Variants in EDARADD observed in about 807,000 individuals in gnomAD.
EDARADD encodes the protein ectodysplasin-A receptor-associated adapter protein.
In EDARADD, 20 loss-of-function variants were observed where a neutral mutation model predicts 25.6. The ratio of observed to expected loss-of-function variants is 0.78; its 90% confidence interval spans 0.55 to 1.14. EDARADD has a LOEUF of 1.14. Among genes scored for constraint, EDARADD ranks in the 50% most tolerant of loss-of-function variants. EDARADD has a pLI of 0.00. For missense variants in EDARADD, 225 were observed against 270.1 expected, an observed-to-expected ratio of 0.83 and a Z score of 1.17; for synonymous variants, 86 against 94.4, an observed-to-expected ratio of 0.91 and a Z score of 0.52.
intron 3 of EDARADD, among the ~76,000 whole-genome samples, chr1:236,376,576 C>T (rs1274372143): frequency 6.6e-6 from 1 of 152,078 alleles, no homozygotes; most frequent in Admixed American, 6.6e-5. Context: ...TGTTTTTTCT[C>T]TCTGTCTTTT....
At chr1:236,372,577 A>G (rs938050513) in intron 3 of EDARADD, among the ~76,000 whole-genome samples, 1 of 152,158 alleles carries the variant, frequency 6.6e-6, no homozygotes, top group Non-Finnish European at 1.5e-5. Context: ...TAATGCTGGC[A>G]TCATAGAATG....
chr1:236,450,242 T>C (rs1056603815), intron 4 of EDARADD, among the ~76,000 whole-genome samples: 1 of 152,080 alleles, frequency 6.6e-6, no homozygotes, highest in African/African-American at 2.4e-5. Context: ...ATATGATCGA[T>C]ATAATCGTGC....
intron 4 of EDARADD, among the ~76,000 whole-genome samples, chr1:236,453,805 C>T (rs914781136): frequency 6.6e-6 from 1 of 152,174 alleles, no homozygotes; most frequent in Non-Finnish European, 1.5e-5. Context: ...GGACGCATTT[C>T]TCAGACCATA....
intron 4 of EDARADD, among the ~76,000 whole-genome samples, chr1:236,447,294 G>T (rs188338976): frequency 9.5e-4 from 141 of 147,802 alleles, no homozygotes; most frequent in Admixed American, 2.1e-3. Flanking sequence ...GTCTCACTCT[G>T]TCACCCAGGC....
intron 3 of EDARADD, among the ~76,000 whole-genome samples, chr1:236,354,971 A>G (rs1267905989): frequency 3.3e-5 from 5 of 152,220 alleles, no homozygotes; most frequent in African/African-American, 1.2e-4. Flanking sequence ...TGTGTAATAC[A>G]GACCCTGTGA....
At chr1:236,370,804 C>T (rs112689017) in intron 3 of EDARADD, among the ~76,000 whole-genome samples, 3,691 of 152,302 alleles carry the variant, frequency 0.024, 115 homozygotes, top group African/African-American at 0.081. Context: ...AGCTGCATGA[C>T]TCCTAAACCA....
upstream of EDARADD, chr1:236,394,256 T>TA (rs998659370): frequency 5.9e-5 from 36 of 606,934 alleles, no homozygotes; most frequent in African/African-American, 2.0e-4. Flanking sequence ...AAAATACCCT[T>TA]AAAAAAAATT....
chr1:236,466,840 G>C (rs979975722), intron 4 of EDARADD, among the ~76,000 whole-genome samples: 2 of 152,140 alleles, frequency 1.3e-5, no homozygotes, highest in Admixed American at 6.5e-5. Flanking sequence ...AGGCCAAGGT[G>C]GGCGGATCAT....
At chr1:236,356,873 C>G (rs953174859) in intron 3 of EDARADD, among the ~76,000 whole-genome samples, 1 of 152,052 alleles carries the variant, frequency 6.6e-6, no homozygotes, top group Admixed American at 6.6e-5. Context: ...CACCTGAGGT[C>G]AGGAGTTCGA....
intron 2 of EDARADD, among the ~76,000 whole-genome samples, chr1:236,413,161 G>T (rs925918992): frequency 7.2e-5 from 11 of 152,226 alleles, no homozygotes; most frequent in African/African-American, 2.7e-4. Context: ...ACCGCACCCA[G>T]CCTCTTTTTG....
intron 3 of EDARADD, among the ~76,000 whole-genome samples, chr1:236,379,588 G>C (rs929769011): frequency 9.9e-5 from 15 of 151,984 alleles, no homozygotes; most frequent in Non-Finnish European, 1.6e-4. Flanking sequence ...ACACCAGCCT[G>C]GCCAACACGG....
At position 236,483,114 on chromosome 1, in the gene EDARADD, C is replaced by T. The variant is rs1659726613; in HGVS notation, c.*465C>T. The T allele has an allele frequency of 1.6e-6, 2 of 1,224,300 alleles. No homozygotes were observed. Among genetic ancestry groups the T allele is most frequent in the Admixed American group, 1.7e-5 (1 of 57,336 alleles). The allele number at this position is 1,224,300 out of a possible 1,614,324, so 75.8% of individuals were successfully genotyped here. A position where few individuals can be genotyped will look rare whatever the true frequency, so the allele number is the denominator to read the frequency against. ...GGAATGCTTACCTGAGTGTCTGCAG[C>T]ACCCTCCACTTCTCTCCTAGGCAAT... On this transcript the variant is annotated 3_prime_UTR_variant, in exon 6 of 6. Coordinates refer to ENST00000334232, the MANE Select transcript of EDARADD (RefSeq NM_145861.4).
chr1:236,409,699 C>T (rs2103008255), intron 2 of EDARADD, among the ~76,000 whole-genome samples: 1 of 151,944 alleles, frequency 6.6e-6, no homozygotes, highest in South Asian at 2.1e-4. Context: ...GTAGCTGGGA[C>T]CACAGGCATG....
chr1:236,411,596 C>T (rs1403746260), intron 2 of EDARADD, among the ~76,000 whole-genome samples: 1 of 150,440 alleles, frequency 6.6e-6, no homozygotes, highest in Non-Finnish European at 1.5e-5. Context: ...AGCTGGAGTG[C>T]AATATGCAAT....
intron 5 of EDARADD, among the ~76,000 whole-genome samples, chr1:236,471,496 C>T (rs1212330959): frequency 1.3e-5 from 2 of 151,802 alleles, no homozygotes; most frequent in African/African-American, 2.4e-5. Context: ...CATGATTATA[C>T]CCCCTTAATA....
At position 236,467,393 on chromosome 1, in the gene EDARADD, C is replaced by T. The variant is rs138119128; in HGVS notation, c.220-838C>T. The stretch of plus-strand genomic sequence containing the variant: ...AACGAAGGTGTACTGGGACTGGTCT[C>T]CTCTGCTGACTTCATGGGAAGCACA... On this transcript the variant is annotated intron_variant, in intron 4 of 5. Coordinates refer to ENST00000334232, the MANE Select transcript of EDARADD (RefSeq NM_145861.4). Among the ~76,000 whole-genome samples, 246 of 150,770 alleles carry T rather than the reference C, an allele frequency of 1.6e-3. 2 individuals are homozygous for T. Among genetic ancestry groups the T allele is most frequent in the Admixed American group, 2.6e-3 (39 of 15,018 alleles).
In EDARADD at chr1:236,483,880, A is replaced by G. The variant is rs1337582083; in HGVS notation, c.*1231A>G. 1.7e-5 allele frequency: 23 copies of G among 1,382,958 alleles called. No homozygotes were observed. The highest frequency in any genetic ancestry group is 2.2e-5 in the Non-Finnish European group (21 of 971,928). 85.7% of individuals were successfully genotyped at this position (1,382,958 alleles called of 1,614,324 possible). ...ATTGGGAAAGCTGGCTACACTGATA[A>G]GGTGATCGTCAGCATGGACGTAGAG... On this transcript the variant is annotated 3_prime_UTR_variant, in exon 6 of 6. Coordinates refer to ENST00000334232, the MANE Select transcript of EDARADD (RefSeq NM_145861.4).
intron 4 of EDARADD, among the ~76,000 whole-genome samples, chr1:236,437,743 C>CT (rs5781886): frequency 0.027 from 2,389 of 87,994 alleles, 67 homozygotes; most frequent in African/African-American, 0.056. Flanking sequence ...TTGGTTCCTT[C>CT]TTTTTTTTTT....
At chr1:236,416,388 C>T (rs977264446) in intron 3 of EDARADD, among the ~76,000 whole-genome samples, 8 of 152,160 alleles carry the variant, frequency 5.3e-5, no homozygotes, top group African/African-American at 1.7e-4. Flanking sequence ...GCTGTAATGG[C>T]CCTAGCATTG....
Sources: gnomAD v4.1 joint callset for allele counts (sites outside exome capture counted in the v4.1 genomes callset) on GRCh38, gnomAD v4.1.1 for gene constraint, MANE v1.5 for transcripts, NCBI Gene and HGNC (gene_info 2026-07-23, HGNC 2026-07-21) for gene names.